LHCGR: variants seen among roughly 807,000 people sequenced by gnomAD.
The protein encoded by LHCGR is lutropin-choriogonadotropic hormone receptor.
In LHCGR, 55 loss-of-function variants were observed where a neutral mutation model predicts 60.7. The ratio of observed to expected loss-of-function variants is 0.91; its 90% CI spans 0.73 to 1.13. The LOEUF is 1.13. Among genes scored for constraint, LHCGR ranks in the 50% most tolerant of loss-of-function variants. LHCGR has a pLI of 0.00. For missense variants in LHCGR, 862 were observed against 836.0 expected, an observed-to-expected ratio of 1.03 and a Z score of -0.38; for synonymous variants, 337 against 316.5, an observed-to-expected ratio of 1.06 and a Z score of -0.69.
At chr2:48,732,913 GTTTAACACCTAAACTCA>G (rs780092616) in intron 1 of LHCGR, 1 of 534,496 alleles carries the variant, frequency 1.9e-6, no homozygotes, top group Non-Finnish European at 3.8e-6. Flanking sequence ...GAAGGACATC[GTTTAACACCTAAACTCA>G]TTTAACAAAG....
intron 3 of LHCGR, among the ~76,000 whole-genome samples, chr2:48,727,139 T>C (rs1668773345): frequency 6.6e-6 from 1 of 151,988 alleles, no homozygotes; most frequent in Non-Finnish European, 1.5e-5. Flanking sequence ...TCTCTAAAGG[T>C]CTTTTGGGCT....
At chr2:48,690,562 G>A (rs1299997213) in intron 10 of LHCGR, among the ~76,000 whole-genome samples, 1 of 152,086 alleles carries the variant, frequency 6.6e-6, no homozygotes, top group Non-Finnish European at 1.5e-5. Flanking sequence ...CTTCCCTTTG[G>A]TCACATAAAA....
chr2:48,694,452 C>T, intron 9 of LHCGR, 148 bp from the exon 10 acceptor site: 1 of 655,526 alleles, frequency 1.5e-6, no homozygotes, highest in Admixed American at 2.3e-5. Flanking sequence ...TGAAATGCTT[C>T]CTGAGGAGAG....
chr2:48,692,056 G>C (rs1666875019), intron 10 of LHCGR, among the ~76,000 whole-genome samples: 1 of 151,978 alleles, frequency 6.6e-6, no homozygotes, highest in South Asian at 2.1e-4. Context: ...GTGGTCCTTG[G>C]ATCAGCTCCA....
At chr2:48,720,023 G>C (rs538221288) in intron 6 of LHCGR, 1 of 152,290 alleles carries the variant, frequency 6.6e-6, no homozygotes, top group Admixed American at 6.5e-5. Context: ...AATGAGAAGG[G>C]GGATGGAACT....
intron 1 of LHCGR, among the ~76,000 whole-genome samples, chr2:48,740,517 C>T (rs1362530335): frequency 7.2e-5 from 11 of 152,180 alleles, no homozygotes; most frequent in Non-Finnish European, 1.3e-4. Flanking sequence ...ACTGCCTCCT[C>T]AAGTGGGTCC....
chr2:48,752,049 G>A (rs1669980504), intron 1 of LHCGR, among the ~76,000 whole-genome samples: 1 of 152,160 alleles, frequency 6.6e-6, no homozygotes, highest in South Asian at 2.1e-4. Context: ...AATAAGAAAG[G>A]AAAGGAAATT....
chr2:48,741,494 C>T (rs377746102), intron 1 of LHCGR, among the ~76,000 whole-genome samples: 55 of 152,134 alleles, frequency 3.6e-4, no homozygotes, highest in East Asian at 1.5e-3. Context: ...GCAGATCTCT[C>T]GGCAGAAACT....
intron 6 of LHCGR, among the ~76,000 whole-genome samples, chr2:48,717,626 G>A (rs1353498879): frequency 6.6e-6 from 1 of 151,790 alleles, no homozygotes; most frequent in Non-Finnish European, 1.5e-5. Flanking sequence ...TCCATGCTCT[G>A]GACAGGATTT....
chr2:48,733,147 A>C, intron 1 of LHCGR: 1 of 351,530 alleles, frequency 2.8e-6, no homozygotes, highest in Non-Finnish European at 5.7e-6. Context: ...CTGACAGCCA[A>C]ATTCTGATTC....
intron 1 of LHCGR, among the ~76,000 whole-genome samples, chr2:48,743,009 A>G (rs997425902): frequency 9.2e-5 from 14 of 152,300 alleles, no homozygotes; most frequent in African/African-American, 3.4e-4. Flanking sequence ...GATAAAGGGG[A>G]TATCACCACC....
chr2:48,720,061 G>C (rs1668432858), intron 6 of LHCGR: 1 of 152,166 alleles, frequency 6.6e-6, no homozygotes, highest in Admixed American at 6.5e-5. Flanking sequence ...CTCTGGGAGA[G>C]ACGGAGCCTC....
At position 48,688,265 on chromosome 2, in the gene LHCGR, A is replaced by T. The variant is rs1262636016; in HGVS notation, c.1532T>A (p.Val511Asp). 6.2e-7 allele frequency: 1 copy of T among 1,614,070 alleles called. No individual in the cohort carries two copies. The highest frequency in any genetic ancestry group is 1.7e-5 in the Admixed American group (1 of 60,018). Residue 511 changes from valine (V) to aspartate (D), a missense_variant, in exon 11 of 11, where the codon GTC (valine) becomes GAC (aspartate). By Grantham distance (152) the Val-to-Asp change is radical (BLOSUM62 -3). Coordinates refer to ENST00000294954, the MANE Select transcript of LHCGR (RefSeq NM_000233.4). This position sits in a 1 kb window ranked among gnomAD's most constrained non-coding sequence, Gnocchi z 5.2. ...PLVGVSNYMKVSICFPMDVET... is the reference protein window; with the variant it reads ...PLVGVSNYMKDSICFPMDVET... ...CACATCCATGGGGAAGCAAATACTGACCTTCATGTAATTGCTGACACCGAC... is the reference window on the plus strand; with the variant it reads ...CACATCCATGGGGAAGCAAATACTGTCCTTCATGTAATTGCTGACACCGAC...
At chr2:48,728,302 G>C (rs1183823472) in intron 3 of LHCGR, among the ~76,000 whole-genome samples, 1 of 152,152 alleles carries the variant, frequency 6.6e-6, no homozygotes, top group East Asian at 1.9e-4. Flanking sequence ...CATGGTAGCT[G>C]TGAGGATTAA....
intron 8 of LHCGR, among the ~76,000 whole-genome samples, chr2:48,708,590 T>C (rs1667816820): frequency 6.6e-6 from 1 of 151,774 alleles, no homozygotes. Context: ...ACATACACAA[T>C]GTACCATGTG....
chr2:48,729,119 T>C (rs551915749), intron 3 of LHCGR, 34 bp downstream of exon 3: 2 of 1,473,706 alleles, frequency 1.4e-6, no homozygotes, highest in Admixed American at 3.3e-5. Flanking sequence ...GGTAATAGTG[T>C]ACAGCAGTAA....
chr2:48,693,405 C>T (rs1666958025), intron 10 of LHCGR, among the ~76,000 whole-genome samples: 1 of 152,154 alleles, frequency 6.6e-6, no homozygotes, highest in African/African-American at 2.4e-5. Flanking sequence ...TCCAAAGATT[C>T]ATATACTTGG....
At chr2:48,712,102 C>T (rs1668021616) in intron 7 of LHCGR, among the ~76,000 whole-genome samples, 1 of 151,818 alleles carries the variant, frequency 6.6e-6, no homozygotes, top group African/African-American at 2.4e-5. Flanking sequence ...TCTCTTTTTG[C>T]CTAAGTTATG....
At chr2:48,736,684 C>T (rs1212024475) in intron 1 of LHCGR, among the ~76,000 whole-genome samples, 1 of 152,028 alleles carries the variant, frequency 6.6e-6, no homozygotes, top group East Asian at 1.9e-4. Flanking sequence ...CAGGTGGGCT[C>T]TAGTGTCCCC....
Sources: gnomAD v4.1 joint callset for allele counts (sites outside exome capture counted in the v4.1 genomes callset) on GRCh38, gnomAD v4.1.1 for gene constraint, Gnocchi (gnomAD v3.1) non-coding constraint, MANE v1.5 for transcripts, NCBI Gene and HGNC (gene_info 2026-07-23, HGNC 2026-07-21) for gene names.